The following PAPOLA variants were observed in gnomAD, a reference collection of about 807,000 sequenced individuals.
PAPOLA encodes poly(A) polymerase alpha.
Under a neutral mutation model 100.6 loss-of-function variants are expected in PAPOLA, and 15 were observed. The observed-to-expected ratio is 0.15, with a 90% CI of 0.10 to 0.23. The LOEUF is 0.23. Ranked by LOEUF, PAPOLA falls within the 10% of genes least tolerant of loss-of-function variation. PAPOLA has a pLI of 1.00. For missense variants in PAPOLA, 533 were observed against 884.2 expected, an observed-to-expected ratio of 0.60 and a Z score of 5.04; for synonymous variants, 293 against 300.0, an observed-to-expected ratio of 0.98 and a Z score of 0.24.
chr14:96,562,020 GAGT>G (rs1901891781), intron 20 of PAPOLA, among the ~76,000 whole-genome samples: 1 of 151,476 alleles, frequency 6.6e-6, no homozygotes, highest in Non-Finnish European at 1.5e-5. Flanking sequence ...TCAGCCTCCC[GAGT>G]AGTGGGGATT....
At chr14:96,527,788 G>C in intron 5 of PAPOLA, 165 bp from the exon 6 acceptor site, 1 of 657,974 alleles carries the variant, frequency 1.5e-6, no homozygotes. Context: ...CATCTGATGA[G>C]TGGGTGAAGT....
intron 1 of PAPOLA, among the ~76,000 whole-genome samples, chr14:96,505,838 T>A (rs182865134): frequency 9.7e-4 from 148 of 152,308 alleles, no homozygotes; most frequent in Non-Finnish European, 1.8e-3. Context: ...ATAGGAACAA[T>A]CAAGGCAGAG....
intron 2 of PAPOLA, 29 bp downstream of exon 2, chr14:96,520,257 T>C (rs756270473): frequency 3.2e-5 from 50 of 1,557,254 alleles, no homozygotes; most frequent in Non-Finnish European, 4.1e-5. Context: ...TTTTTTTAAC[T>C]CGGAAACTTT....
intron 21 of PAPOLA, 22 bp downstream of exon 21, chr14:96,562,915 G>A (rs962260363): frequency 2.4e-5 from 36 of 1,475,096 alleles, no homozygotes; most frequent in African/African-American, 6.9e-5. Context: ...AAAAAGCAAG[G>A]AGAATTTTGT....
At position 96,532,632 on chromosome 14, in the gene PAPOLA, C is replaced by A; in HGVS notation, c.819C>A (p.Phe273Leu). The A allele has an allele frequency of 1.2e-6, 2 of 1,603,364 alleles. No individual in the cohort carries two copies. The highest frequency in any genetic ancestry group is 1.7e-6 in the Non-Finnish European group (2 of 1,176,316). Reference sequence around the variant, plus strand: ...CATCAACTCTTGTACATAAATTTTTCTTGGTATTTTCTAAATGGTATGTGT... The same window carrying A: ...CATCAACTCTTGTACATAAATTTTTATTGGTATTTTCTAAATGGTATGTGT... ...AIASTLVHKF[F>L]LVFSKWEWPN... Residue 273 changes from phenylalanine (F) to leucine (L), a missense_variant, in exon 9 of 22, where the codon TTC becomes TTA. By Grantham distance (22) the Phe-to-Leu change is conservative. Around this residue, in one of 9 missense-constraint regions of PAPOLA, gnomAD observed 32 missense variants for 95.0 expected, o/e 0.34. Transcript: ENST00000216277.
At position 96,536,319 on chromosome 14, in the gene PAPOLA, T is replaced by C. The variant is rs183048499; in HGVS notation, c.1030+320T>C. On this transcript the variant is annotated intron_variant, in intron 11 of 21. Transcript: ENST00000216277. ...TTGAAATGAGAGATGTTTAGCAGGC[T>C]GTATACTCCTGGGAAAGAACTTTGA... is the stretch of plus-strand genomic sequence containing the variant. Among the ~76,000 whole-genome samples, 621 of 152,250 alleles carry C rather than the reference T, an allele frequency of 4.1e-3. 3 individuals are homozygous for C. Among genetic ancestry groups the C allele is most frequent in the African/African-American group, 0.014 (588 of 41,576 alleles).
intron 1 of PAPOLA, 50 bp downstream of exon 1, chr14:96,502,650 G>A (rs758867870): frequency 6.4e-7 from 1 of 1,555,288 alleles, no homozygotes; most frequent in Non-Finnish European, 8.7e-7. Flanking sequence ...GGGCCTTGGG[G>A]GGCGTCCGGG....
At chr14:96,552,832 A>G in intron 17 of PAPOLA, 1 of 527,114 alleles carries the variant, frequency 1.9e-6, no homozygotes, top group East Asian at 3.2e-5. Flanking sequence ...TGAGACTGAT[A>G]ATGTCTTCAG....
At chr14:96,534,790 C>G in intron 10 of PAPOLA, 2 of 1,284,868 alleles carry the variant, frequency 1.6e-6, no homozygotes, top group Non-Finnish European at 2.0e-6. Flanking sequence ...GTTTTTAATA[C>G]AGATTTTACT....
intron 16 of PAPOLA, among the ~76,000 whole-genome samples, chr14:96,549,296 T>C (rs973624960): frequency 1.2e-4 from 18 of 151,778 alleles, no homozygotes; most frequent in Admixed American, 3.3e-4. Context: ...TTGCCCAGGC[T>C]GGAGTGCCGT....
chr14:96,527,837 A>C lies in PAPOLA; in HGVS notation c.442-116A>C, dbSNP rs1302437173. On this transcript the variant is annotated intron_variant, in intron 5 of 21. Transcript: ENST00000216277. ...CTTGATTTCTGATCTGTCTGATCGA[A>C]CAGCCCAGTCTTAAAGCTAGCTATT... 4.5e-5 allele frequency: 35 copies of C among 772,842 alleles called. No individual in the cohort carries two copies. The Admixed American group carries it at 6.2e-4, about 14-fold the overall frequency. 47.9% of individuals were successfully genotyped at this position (772,842 alleles called of 1,614,324 possible). A position where few individuals can be genotyped will look rare whatever the true frequency, so the allele number is the denominator to read the frequency against.
intron 1 of PAPOLA, among the ~76,000 whole-genome samples, chr14:96,512,527 A>G (rs1480785632): frequency 5.3e-5 from 8 of 152,186 alleles, no homozygotes; most frequent in Non-Finnish European, 8.8e-5. Flanking sequence ...CTTCTTTCTT[A>G]GTTTAATAGT....
At chr14:96,517,852 C>T (rs1254938574) in intron 1 of PAPOLA, among the ~76,000 whole-genome samples, 3 of 152,048 alleles carry the variant, frequency 2.0e-5, no homozygotes, top group African/African-American at 7.2e-5. Flanking sequence ...TATAGCATGC[C>T]ACCACACCTG....
chr14:96,520,997 T>C lies in PAPOLA; in HGVS notation c.183-9T>C. 6 of 1,274,896 alleles carry C rather than the reference T, an allele frequency of 4.7e-6. No homozygotes were observed. The highest frequency in any genetic ancestry group is 3.6e-5 in the South Asian group (3 of 84,078). 79.0% of individuals were successfully genotyped at this position (1,274,896 alleles called of 1,614,324 possible). On this transcript the variant is annotated splice_polypyrimidine_tract_variant and intron_variant, in intron 2 of 21. Transcript: ENST00000216277. ...TGGAATACTTGATTGATAATTGTTT[T>C]ATCAACAGGATTTTAATTTTGGGAA...
chr14:96,510,065 A>G (rs747638760), intron 1 of PAPOLA, among the ~76,000 whole-genome samples: 2 of 151,890 alleles, frequency 1.3e-5, no homozygotes, highest in Non-Finnish European at 2.9e-5. Flanking sequence ...GAAAGAAAAA[A>G]TAAAGGCATT....
At chr14:96,520,802 A>ATAT (rs1374179356) in intron 2 of PAPOLA, among the ~76,000 whole-genome samples, 4 of 152,002 alleles carry the variant, frequency 2.6e-5, no homozygotes, top group African/African-American at 9.7e-5. Context: ...TGCCTTACTC[A>ATAT]GTGTAACAGT....
chr14:96,532,732 T>G, intron 9 of PAPOLA, 83 bp downstream of exon 9: 2 of 1,449,942 alleles, frequency 1.4e-6, no homozygotes. Flanking sequence ...CTCAGCTTGG[T>G]TTCAGATTCA....
At chr14:96,502,916 G>C in intron 1 of PAPOLA, 1 of 364,734 alleles carries the variant, frequency 2.7e-6, no homozygotes. Flanking sequence ...CGTCCACAAA[G>C]AAAATCAAAA....
intron 1 of PAPOLA, among the ~76,000 whole-genome samples, chr14:96,503,414 G>T (rs1896473860): frequency 1.3e-5 from 2 of 151,062 alleles, no homozygotes; most frequent in African/African-American, 4.9e-5. Flanking sequence ...ATGCCACTGC[G>T]CCTTTTTCTT....
Sources: gnomAD v4.1 joint callset for allele counts (sites outside exome capture counted in the v4.1 genomes callset) on GRCh38, gnomAD v4.1.1 for gene constraint, gnomAD v4.1.1 regional missense constraint, MANE v1.5 for transcripts, NCBI Gene and HGNC (gene_info 2026-07-23, HGNC 2026-07-21) for gene names.